GPC5: variants seen among roughly 807,000 people sequenced by gnomAD.
The protein encoded by GPC5 is glypican 5.
In GPC5, 47 loss-of-function variants were observed where a neutral mutation model predicts 53.9. The ratio of observed to expected loss-of-function variants is 0.87; its 90% CI spans 0.69 to 1.11. The LOEUF (loss-of-function observed/expected upper bound fraction) is 1.11, where lower values mean the gene tolerates loss of function less well. GPC5 is among the 50% of genes most tolerant of loss of function. GPC5 has a pLI of 0.00. For missense variants in GPC5, 748 were observed against 713.1 expected (o/e 1.05, Z -0.56); for synonymous variants, 286 against 263.3 (o/e 1.09, Z -0.84).
intron 2 of GPC5, among the ~76,000 whole-genome samples, chr13:91,678,783 G>T (rs1051485700): frequency 2.6e-5 from 4 of 151,432 alleles, no homozygotes; most frequent in African/African-American, 9.7e-5. Flanking sequence ...TGACTTTAAA[G>T]GAAAAGATTG....
intron 2 of GPC5, among the ~76,000 whole-genome samples, chr13:91,543,571 T>C (rs1249740682): frequency 6.6e-6 from 1 of 151,854 alleles, no homozygotes; most frequent in Non-Finnish European, 1.5e-5. Flanking sequence ...TTTTATGTTA[T>C]AGTAAAAATA....
At chr13:92,185,544 G>T (rs919293084) in intron 7 of GPC5, among the ~76,000 whole-genome samples, 18 of 151,972 alleles carry the variant, frequency 1.2e-4, no homozygotes, top group African/African-American at 4.3e-4. Context: ...ACAATAAGAA[G>T]AAATGAATTT....
chr13:92,150,680 G>A (rs957128074), intron 7 of GPC5, among the ~76,000 whole-genome samples: 1 of 151,936 alleles, frequency 6.6e-6, no homozygotes, highest in African/African-American at 2.4e-5. Flanking sequence ...CATTGCATTG[G>A]CTTAGACTGA....
intron 5 of GPC5, among the ~76,000 whole-genome samples, chr13:91,906,132 C>T (rs755950371): frequency 6.6e-6 from 1 of 152,016 alleles, no homozygotes; most frequent in African/African-American, 2.4e-5. Context: ...GGTGTGACCT[C>T]CTATCCATTG....
At chr13:92,589,041 C>T (rs1594326926) in intron 7 of GPC5, among the ~76,000 whole-genome samples, 1 of 152,284 alleles carries the variant, frequency 6.6e-6, no homozygotes, top group South Asian at 2.1e-4. Context: ...GGAAGAAAAA[C>T]ATGTGGCAGT....
chr13:91,402,076 C>A (rs1876994785), intron 1 of GPC5, among the ~76,000 whole-genome samples: 1 of 152,040 alleles, frequency 6.6e-6, no homozygotes, highest in Admixed American at 6.6e-5. Context: ...TATTAAAATT[C>A]TCTTTGCACA....
intron 6 of GPC5, among the ~76,000 whole-genome samples, chr13:92,054,623 CACA>C (rs2041059778): frequency 1.3e-5 from 2 of 152,128 alleles, no homozygotes; most frequent in Admixed American, 6.5e-5. Context: ...CAGTGAGTTA[CACA>C]ACAAGACCTG....
intron 7 of GPC5, among the ~76,000 whole-genome samples, chr13:92,650,891 A>G (rs147701865): frequency 4.3e-3 from 661 of 152,186 alleles, no homozygotes; most frequent in Admixed American, 9.2e-3. Flanking sequence ...TGCTGCATCT[A>G]TTAACCCATC....
chr13:92,788,304 AT>A (rs1382616270), intron 7 of GPC5, among the ~76,000 whole-genome samples: 7 of 152,320 alleles, frequency 4.6e-5, no homozygotes, highest in Admixed American at 4.6e-4. Flanking sequence ...AAATGATGAA[AT>A]ATAATTATAA....
intron 7 of GPC5, among the ~76,000 whole-genome samples, chr13:92,179,291 T>C (rs2042129991): frequency 1.3e-5 from 2 of 152,220 alleles, no homozygotes; most frequent in Non-Finnish European, 2.9e-5. Flanking sequence ...GTTTATAATC[T>C]TGTCAAACTG....
intron 5 of GPC5, among the ~76,000 whole-genome samples, chr13:91,840,300 T>G (rs577864041): frequency 1.3e-5 from 2 of 152,290 alleles, no homozygotes; most frequent in Non-Finnish European, 2.9e-5. Context: ...ACCATCTGTA[T>G]TATCTGACAC....
intron 5 of GPC5, among the ~76,000 whole-genome samples, chr13:91,839,112 G>T (rs768660508): frequency 8.6e-5 from 13 of 151,934 alleles, no homozygotes; most frequent in Non-Finnish European, 1.2e-4. Flanking sequence ...ACATTTTTTG[G>T]TAATTTCATA....
At chr13:92,270,265 T>C (rs1185964532) in intron 7 of GPC5, among the ~76,000 whole-genome samples, 4 of 152,180 alleles carry the variant, frequency 2.6e-5, no homozygotes, top group Non-Finnish European at 5.9e-5. Flanking sequence ...CCAAATCTCA[T>C]GTTGAATTGT....
chr13:92,265,904 G>C (rs1005149729), intron 7 of GPC5, among the ~76,000 whole-genome samples: 1 of 152,170 alleles, frequency 6.6e-6, no homozygotes, highest in African/African-American at 2.4e-5. Flanking sequence ...ACCTGGCAAG[G>C]GGCTTCTTGC....
chr13:92,764,315 T>A (rs1875310697), intron 7 of GPC5, among the ~76,000 whole-genome samples: 1 of 152,202 alleles, frequency 6.6e-6, no homozygotes, highest in African/African-American at 2.4e-5. Context: ...GATTGACAGA[T>A]GCTACGACTA....
intron 7 of GPC5, among the ~76,000 whole-genome samples, chr13:92,477,255 GT>G (rs1407665411): frequency 6.6e-6 from 1 of 151,576 alleles, no homozygotes; most frequent in Admixed American, 6.6e-5. Context: ...AGAACAACTT[GT>G]TCACATCCCT....
chr13:91,615,403 T>C (rs1437198666), intron 2 of GPC5, among the ~76,000 whole-genome samples: 1 of 152,178 alleles, frequency 6.6e-6, no homozygotes, highest in Admixed American at 6.5e-5. Context: ...ATTGTTTTCA[T>C]TCATATTCTA....
At position 92,042,649 on chromosome 13, in the gene GPC5, G is replaced by A. The variant is rs561858667; in HGVS notation, c.1402-102181G>A. Among the ~76,000 whole-genome samples, 56 of 152,272 alleles carry A rather than the reference G, an allele frequency of 3.7e-4. No homozygotes were observed. The South Asian group carries it at 0.011, about 30-fold the overall frequency. ...TGAGTGAGGGGTAATCAGATTTGCT[G>A]CAATGTATTATTTTAAATGTTTAAT... On this transcript the variant is annotated intron_variant, in intron 6 of 7. Transcript: ENST00000377067.
At chr13:91,665,563 C>T (rs1276211453) in intron 2 of GPC5, among the ~76,000 whole-genome samples, 1 of 150,374 alleles carries the variant, frequency 6.7e-6, no homozygotes, top group Non-Finnish European at 1.5e-5. Flanking sequence ...AGTCCAGTGG[C>T]GCCATCTCGG....
Sources: allele counts gnomAD v4.1 joint callset (sites outside exome capture counted in the v4.1 genomes callset), GRCh38; gene constraint gnomAD v4.1.1; transcripts MANE v1.5; gene names NCBI Gene and HGNC (gene_info 2026-07-23, HGNC 2026-07-21).